Variants in PTPRD observed in about 807,000 individuals in gnomAD.
PTPRD encodes the protein receptor-type tyrosine-protein phosphatase delta.
In PTPRD, 34 loss-of-function variants were observed where a neutral mutation model predicts 214.5. That is an observed-to-expected ratio of 0.16 (90% confidence interval 0.12 to 0.21). PTPRD has a LOEUF of 0.21. Among genes scored for constraint, PTPRD ranks in the 10% least tolerant of loss-of-function variants. The pLI is 1.00. For missense variants in PTPRD, 2,545 were observed against 2,398.7 expected, an observed-to-expected ratio of 1.06 and a Z score of -1.27; for synonymous variants, 1,128 against 845.7, an observed-to-expected ratio of 1.33 and a Z score of -5.79.
At chr9:10,232,588 T>C (rs959628466) in intron 3 of PTPRD, among the ~76,000 whole-genome samples, 2 of 151,972 alleles carry the variant, frequency 1.3e-5, no homozygotes, top group Non-Finnish European at 2.9e-5. Context: ...ATAAAGATGT[T>C]TGCATCTCCA....
chr9:8,478,129 A>T (rs2096802935), intron 30 of PTPRD, among the ~76,000 whole-genome samples: 1 of 152,138 alleles, frequency 6.6e-6, no homozygotes, highest in Non-Finnish European at 1.5e-5. Context: ...TCCTCATTTT[A>T]CTCATATGTA....
rs372974519 is a variant in PTPRD, at chr9:10,266,712, C to T, written c.-545+74251G>A. Among the ~76,000 whole-genome samples the T allele has an allele frequency of 8.8e-4, 133 of 151,678 alleles. No homozygotes were observed. In the South Asian group the frequency reaches 0.024, roughly 28 times the overall value. On this transcript the variant is annotated intron_variant, in intron 3 of 45. Coordinates refer to ENST00000381196, the MANE Select transcript of PTPRD (RefSeq NM_002839.4). Reference sequence around the variant, plus strand: ...GAGGAAACTATAGTTTCAGGAAAAGCGAGAATAGCACTGCATTGCAGGCTA... The same window carrying T: ...GAGGAAACTATAGTTTCAGGAAAAGTGAGAATAGCACTGCATTGCAGGCTA...
chr9:9,821,228 G>A (rs1444842305), intron 5 of PTPRD, among the ~76,000 whole-genome samples: 4 of 152,218 alleles, frequency 2.6e-5, no homozygotes, highest in Non-Finnish European at 5.9e-5. Flanking sequence ...GGTTATTAGT[G>A]TGTAAAAATG....
intron 7 of PTPRD, among the ~76,000 whole-genome samples, chr9:9,716,559 G>C (rs1302315092): frequency 6.6e-6 from 1 of 152,150 alleles, no homozygotes; most frequent in Non-Finnish European, 1.5e-5. Context: ...ACTGGTGTGA[G>C]ATTGTATCTC....
intron 8 of PTPRD, among the ~76,000 whole-genome samples, chr9:9,438,259 G>T (rs995266801): frequency 6.6e-6 from 1 of 152,062 alleles, no homozygotes; most frequent in African/African-American, 2.4e-5. Context: ...TCAACCTATA[G>T]CCAGTGCCTA....
chr9:9,432,883 G>C (rs2083752693), intron 8 of PTPRD, among the ~76,000 whole-genome samples: 1 of 152,130 alleles, frequency 6.6e-6, no homozygotes, highest in Admixed American at 6.6e-5. Flanking sequence ...AGTTTTAGAG[G>C]GATCAGGAAA....
chr9:10,308,034 T>C (rs1255753964), intron 3 of PTPRD, among the ~76,000 whole-genome samples: 2 of 151,824 alleles, frequency 1.3e-5, no homozygotes, highest in Admixed American at 6.6e-5. Flanking sequence ...ACTTTCTTGA[T>C]TTTTTTTCCC....
chr9:8,858,622 G>A (rs1007642927), intron 11 of PTPRD, among the ~76,000 whole-genome samples: 1 of 152,200 alleles, frequency 6.6e-6, no homozygotes, highest in Non-Finnish European at 1.5e-5. Flanking sequence ...AGCGCTGGGG[G>A]ATTGTGTGTG....
chr9:8,851,724 C>T (rs908829766), intron 11 of PTPRD, among the ~76,000 whole-genome samples: 1 of 151,974 alleles, frequency 6.6e-6, no homozygotes, highest in African/African-American at 2.4e-5. Flanking sequence ...ACTGGATATT[C>T]ATTACATGTA....
Position 8,556,553 on chromosome 9 carries a change from A to ATTTTATATTTCTTTTTTTTTT in PTPRD, c.353-27775_353-27774insAAAAAAAAAAGAAATATAAAA, listed in dbSNP as rs761184510. On this transcript the variant is annotated intron_variant, in intron 14 of 45. Transcript: ENST00000381196. ...CATCTGCATGTACACATACTTGTGT[A>ATTTTATATTTCTTTTTTTTTT]TTTTATATTTCTTTATATATCTGTT... Among the ~76,000 whole-genome samples the ATTTTATATTTCTTTTTTTTTT allele has an allele frequency of 2.8e-3, 418 of 151,884 alleles. 1 individual carries two copies. The highest frequency in any genetic ancestry group is 8.3e-3 in the African/African-American group (341 of 41,186).
intron 9 of PTPRD, among the ~76,000 whole-genome samples, chr9:9,186,968 A>G (rs1204518592): frequency 6.6e-6 from 1 of 151,748 alleles, no homozygotes; most frequent in Admixed American, 6.6e-5. Context: ...AAATTTCCAA[A>G]TTTTAATATG....
intron 5 of PTPRD, among the ~76,000 whole-genome samples, chr9:9,775,687 T>C (rs2098792113): frequency 1.3e-5 from 2 of 152,130 alleles, no homozygotes; most frequent in African/African-American, 4.8e-5. Flanking sequence ...CTCACGCCTG[T>C]AATCCCAGCA....
At chr9:8,415,549 C>T (rs1313350848) in intron 35 of PTPRD, among the ~76,000 whole-genome samples, 1 of 140,242 alleles carries the variant, frequency 7.1e-6, no homozygotes, top group Non-Finnish European at 1.5e-5. Context: ...ATTTTTAATG[C>T]TTTGGAAGTA....
At chr9:8,359,369 G>T (rs902496917) in intron 39 of PTPRD, among the ~76,000 whole-genome samples, 12 of 151,962 alleles carry the variant, frequency 7.9e-5, no homozygotes, top group African/African-American at 2.2e-4. Flanking sequence ...CTGTTGCCCA[G>T]GCTGGAGTGC....
At chr9:9,759,642 C>G (rs2098633351) in intron 6 of PTPRD, among the ~76,000 whole-genome samples, 1 of 149,464 alleles carries the variant, frequency 6.7e-6, no homozygotes, top group South Asian at 2.1e-4. Context: ...ACTGCAACCT[C>G]TACCTCCCAG....
intron 11 of PTPRD, among the ~76,000 whole-genome samples, chr9:8,875,406 T>C (rs1002422527): frequency 3.3e-5 from 5 of 152,136 alleles, no homozygotes; most frequent in Non-Finnish European, 5.9e-5. Context: ...CACATTCCTG[T>C]AGTCCCAGCT....
At chr9:10,114,735 A>T (rs1162439222) in intron 3 of PTPRD, among the ~76,000 whole-genome samples, 1 of 152,096 alleles carries the variant, frequency 6.6e-6, no homozygotes, top group Non-Finnish European at 1.5e-5. Context: ...TAATATAGCT[A>T]ACCTTTAAAA....
chr9:10,486,900 G>C (rs1227089614), intron 2 of PTPRD, among the ~76,000 whole-genome samples: 1 of 152,128 alleles, frequency 6.6e-6, no homozygotes, highest in East Asian at 1.9e-4. Context: ...TGAATATGTG[G>C]TGTTGAAATC....
chr9:9,929,173 T>G (rs963513860), intron 5 of PTPRD, among the ~76,000 whole-genome samples: 4 of 152,146 alleles, frequency 2.6e-5, no homozygotes, highest in African/African-American at 7.2e-5. Context: ...CTCCCACATT[T>G]AGGATGTGCA....
Sources: allele counts gnomAD v4.1 joint callset (sites outside exome capture counted in the v4.1 genomes callset), GRCh38; gene constraint gnomAD v4.1.1; transcripts MANE v1.5; gene names NCBI Gene and HGNC (gene_info 2026-07-23, HGNC 2026-07-21).